Variants in ITFG1 observed in about 807,000 individuals in gnomAD.
ITFG1 encodes integrin alpha FG-GAP repeat containing 1.
Under a neutral mutation model 81.8 loss-of-function variants are expected in ITFG1, and 34 were observed. The observed-to-expected ratio is 0.42, with a 90% CI of 0.32 to 0.55. The LOEUF (loss-of-function observed/expected upper bound fraction) is 0.55. Ranked by LOEUF, ITFG1 falls within the 20% of genes least tolerant of loss-of-function variation. The pLI, the probability that ITFG1 is intolerant of heterozygous loss-of-function variation, is 0.17. For synonymous variants in ITFG1, 285 were observed against 270.6 expected (o/e 1.05, Z -0.52); for missense variants, 672 against 755.4 (o/e 0.89, Z 1.29).
At chr16:47,290,703 A>G (rs1457678041) in intron 10 of ITFG1, among the ~76,000 whole-genome samples, 1 of 152,178 alleles carries the variant, frequency 6.6e-6, no homozygotes, top group Non-Finnish European at 1.5e-5. Context: ...ATTTACAGGT[A>G]AAGTGAGTAT....
intron 8 of ITFG1, among the ~76,000 whole-genome samples, chr16:47,344,969 T>C (rs1967832061): frequency 2.0e-5 from 3 of 152,370 alleles, no homozygotes; most frequent in Middle Eastern, 3.4e-3. Context: ...CATTCATCTG[T>C]TGATGGACAT....
At chr16:47,267,358 A>C (rs1178162411) in intron 10 of ITFG1, among the ~76,000 whole-genome samples, 1 of 152,220 alleles carries the variant, frequency 6.6e-6, no homozygotes, top group Non-Finnish European at 1.5e-5. Context: ...TCAGTTCTAG[A>C]GAACATAAGA....
intron 8 of ITFG1, among the ~76,000 whole-genome samples, chr16:47,336,435 C>G (rs1045511127): frequency 2.6e-5 from 4 of 152,338 alleles, no homozygotes; most frequent in African/African-American, 9.6e-5. Context: ...TGAGGAAATA[C>G]AGCAGATCTC....
intron 10 of ITFG1, among the ~76,000 whole-genome samples, chr16:47,296,846 C>T (rs1348000093): frequency 6.6e-6 from 1 of 152,148 alleles, no homozygotes. Flanking sequence ...TTGAGACTTG[C>T]TTTGTGGTAA....
chr16:47,178,520 C>T (rs1567414751), intron 14 of ITFG1, among the ~76,000 whole-genome samples: 1 of 152,142 alleles, frequency 6.6e-6, no homozygotes, highest in Non-Finnish European at 1.5e-5. Context: ...ACTGGCTAGA[C>T]ATATGTAGAA....
intron 11 of ITFG1, among the ~76,000 whole-genome samples, chr16:47,259,333 T>C (rs975631655): frequency 2.0e-5 from 3 of 152,228 alleles, no homozygotes; most frequent in Non-Finnish European, 2.9e-5. Context: ...ATATTAACTA[T>C]TTGACTTTCA....
chr16:47,160,187 TAAAAAA>T (rs34363166), intron 16 of ITFG1, among the ~76,000 whole-genome samples: 1 of 115,548 alleles, frequency 8.7e-6, no homozygotes, highest in Non-Finnish European at 1.8e-5. Context: ...AGTGTTTTGG[TAAAAAA>T]AAAAAAAAAA....
intron 14 of ITFG1, among the ~76,000 whole-genome samples, chr16:47,199,295 A>AAACCAAAG (rs1567421278): frequency 4.1e-5 from 1 of 24,108 alleles, no homozygotes; most frequent in Non-Finnish European, 1.0e-4. Context: ...CCAAACCAAA[A>AAACCAAAG]CAAAAAAACC....
At chr16:47,318,041 G>C in intron 8 of ITFG1, among the ~76,000 whole-genome samples, 1 of 152,048 alleles carries the variant, frequency 6.6e-6, no homozygotes, top group East Asian at 1.9e-4. Context: ...GATAAAATTA[G>C]GAACAGTTAG....
chr16:47,388,585 C>G (rs1398582969), intron 6 of ITFG1, among the ~76,000 whole-genome samples: 1 of 152,018 alleles, frequency 6.6e-6, no homozygotes, highest in Non-Finnish European at 1.5e-5. Context: ...CTCCTGTCAA[C>G]CAAAAGTCCT....
At chr16:47,320,753 T>C (rs1245545373) in intron 8 of ITFG1, among the ~76,000 whole-genome samples, 4 of 152,214 alleles carry the variant, frequency 2.6e-5, no homozygotes, top group Admixed American at 6.5e-5. Flanking sequence ...TGTGGTATTC[T>C]GTGTATTTAA....
At chr16:47,202,687 G>A (rs907568620) in intron 14 of ITFG1, among the ~76,000 whole-genome samples, 1 of 151,506 alleles carries the variant, frequency 6.6e-6, no homozygotes, top group Non-Finnish European at 1.5e-5. Flanking sequence ...CAACAAAACA[G>A]AAAAAAATGG....
chr16:47,392,972 G>A (rs994813042), intron 6 of ITFG1, among the ~76,000 whole-genome samples: 1 of 152,176 alleles, frequency 6.6e-6, no homozygotes, highest in Non-Finnish European at 1.5e-5. Context: ...CTCCACAACT[G>A]GCAGGTAACT....
At chr16:47,166,709 G>T (rs2151508474) in intron 14 of ITFG1, among the ~76,000 whole-genome samples, 1 of 151,796 alleles carries the variant, frequency 6.6e-6, no homozygotes, top group African/African-American at 2.4e-5. Context: ...ATTCCATATT[G>T]TTGGAGGTAA....
chr16:47,424,652 C>T (rs1358309991), intron 6 of ITFG1, among the ~76,000 whole-genome samples: 1 of 152,120 alleles, frequency 6.6e-6, no homozygotes, highest in African/African-American at 2.4e-5. Context: ...TGATGCTATT[C>T]CTTTCTGTTT....
intron 10 of ITFG1, among the ~76,000 whole-genome samples, chr16:47,285,497 G>T (rs1171019711): frequency 6.6e-6 from 1 of 152,196 alleles, no homozygotes; most frequent in African/African-American, 2.4e-5. Flanking sequence ...CCAACCTGAC[G>T]CTGGTTGGAC....
intron 6 of ITFG1, among the ~76,000 whole-genome samples, chr16:47,409,382 A>T (rs1449660964): frequency 8.0e-5 from 1 of 12,564 alleles, no homozygotes; most frequent in African/African-American, 4.3e-4. Context: ...CACTATATAT[A>T]TATATATATA....
intron 14 of ITFG1, among the ~76,000 whole-genome samples, chr16:47,200,736 G>T (rs115619049): frequency 6.6e-6 from 1 of 152,096 alleles, no homozygotes; most frequent in Non-Finnish European, 1.5e-5. Context: ...CCCCTGGGAC[G>T]TTATTAGAAA....
chr16:47,306,844 C>T (rs569004301), intron 10 of ITFG1, among the ~76,000 whole-genome samples: 4 of 151,668 alleles, frequency 2.6e-5, no homozygotes, highest in African/African-American at 7.3e-5. Flanking sequence ...CCTGTAATCC[C>T]AGCACTTTGG....
Sources: allele counts gnomAD v4.1 joint callset (sites outside exome capture counted in the v4.1 genomes callset), GRCh38; gene constraint gnomAD v4.1.1; transcripts MANE v1.5; gene names NCBI Gene and HGNC (gene_info 2026-07-23, HGNC 2026-07-21).